Variants in CEP104 observed in about 807,000 individuals in gnomAD.
CEP104 encodes the protein centrosomal protein of 104 kDa.
CEP104 carries 84 observed loss-of-function variants against 113.3 expected under a neutral mutation model. The observed-to-expected ratio is 0.74, with a 90% confidence interval of 0.62 to 0.89. The LOEUF is 0.89. CEP104 is among the 40% of genes least tolerant of loss of function. CEP104 has a pLI of 0.00. For synonymous variants in CEP104, 378 were observed against 421.7 expected, an observed-to-expected ratio of 0.90 and a Z score of 1.27; for missense variants, 1,053 against 1,156.6, an observed-to-expected ratio of 0.91 and a Z score of 1.30.
In CEP104 at chr1:3,848,822, G is replaced by A. The variant is rs3765777; in HGVS notation, c.114-41C>T. 33,431 of 1,549,586 alleles carry A rather than the reference G, an allele frequency of 0.022. 700 individuals are homozygous for A. Among genetic ancestry groups the A allele is most frequent in the East Asian group, 0.12 (5,136 of 44,530 alleles). On this transcript the variant is annotated intron_variant, in intron 2 of 21. Transcript: ENST00000378230. ...TTTTTATATTTTCTGAACAACTTCT[G>A]CAGAGGGTTTCTAGATGCTAGCATC...
chr1:3,831,304 A>G, intron 12 of CEP104, 82 bp from the exon 13 acceptor site: 2 of 1,251,910 alleles, frequency 1.6e-6, no homozygotes, highest in Non-Finnish European at 2.3e-6. Flanking sequence ...ATCTTAAACT[A>G]AACACTGAAG....
intron 2 of CEP104, among the ~76,000 whole-genome samples, chr1:3,850,131 G>A (rs1024766007): frequency 1.3e-5 from 2 of 152,188 alleles, no homozygotes; most frequent in Non-Finnish European, 2.9e-5. Context: ...CTAGGTGTTC[G>A]ATGAAATCGA....
At chr1:3,820,992 G>A (rs1643961442) in intron 20 of CEP104, among the ~76,000 whole-genome samples, 1 of 152,278 alleles carries the variant, frequency 6.6e-6, no homozygotes, top group African/African-American at 2.4e-5. Flanking sequence ...AAGGGGAAGT[G>A]TGTGTGCATG....
At chr1:3,822,047 G>A (rs1396131126) in intron 20 of CEP104, among the ~76,000 whole-genome samples, 1 of 152,208 alleles carries the variant, frequency 6.6e-6, no homozygotes, top group African/African-American at 2.4e-5. Context: ...ATGCAACAAC[G>A]TGCTGTCTGG....
At position 3,836,895 on chromosome 1, in the gene CEP104, T is replaced by C. The variant is rs963443402; in HGVS notation, c.1120-203A>G. 18 of 579,796 alleles carry C rather than the reference T, an allele frequency of 3.1e-5. No homozygotes were observed. In the East Asian group the frequency reaches 4.3e-4, roughly 14 times the overall value. 35.9% of individuals were successfully genotyped at this position (579,796 alleles called of 1,614,324 possible). ...AAGATTAGATGAGGCTTTCTATTAC[T>C]TTCTAAACTCATTACAGACCTAATA... On this transcript the variant is annotated intron_variant, in intron 9 of 21. Coordinates refer to ENST00000378230, the MANE Select transcript of CEP104 (RefSeq NM_014704.4).
rs7535887 is a variant in CEP104, at chr1:3,839,929, T to C, written c.567-153A>G. ...GAGAAAACGGGTCTCAGAGAAGTAA[T>C]GGGCCTCAGGTCACAAAGCTCTTAA... is the stretch of plus-strand genomic sequence containing the variant. On this transcript the variant is annotated intron_variant, in intron 6 of 21. Coordinates refer to ENST00000378230, the MANE Select transcript of CEP104 (RefSeq NM_014704.4). Among the ~76,000 whole-genome samples, 140,840 of 152,232 alleles carry C rather than the reference T, an allele frequency of 0.93. 65,924 individuals carry two copies. Among genetic ancestry groups the C allele is most frequent in the Middle Eastern group, 0.98 (288 of 294 alleles).
chr1:3,851,160 C>T (rs1441912113), intron 2 of CEP104, among the ~76,000 whole-genome samples: 1 of 152,072 alleles, frequency 6.6e-6, no homozygotes, highest in Non-Finnish European at 1.5e-5. Context: ...GACGCTGGCT[C>T]GCCTGCAATC....
intron 6 of CEP104, chr1:3,843,178 G>C (rs1360375845): frequency 1.4e-6 from 1 of 704,172 alleles, no homozygotes; most frequent in African/African-American, 1.8e-5. Context: ...CTCTGGAATG[G>C]AGTCCCCTCA....
At chr1:3,828,002 C>T (rs1427201126) in intron 15 of CEP104, among the ~76,000 whole-genome samples, 2 of 152,142 alleles carry the variant, frequency 1.3e-5, no homozygotes, top group Non-Finnish European at 2.9e-5. Context: ...GGAGGCTGTG[C>T]AGCCCATCAG....
At chr1:3,853,796 C>T (rs946245398) in intron 1 of CEP104, among the ~76,000 whole-genome samples, 3 of 125,672 alleles carry the variant, frequency 2.4e-5, no homozygotes, top group African/African-American at 1.3e-4. Context: ...TTTAAAAAGC[C>T]CCCCAGAACA....
Position 3,852,326 on chromosome 1 carries a change from C to G in CEP104, c.82G>C (p.Ala28Pro). The change falls in exon 2 of 22, where the codon GCG (alanine) becomes CCG (proline). Residue 28 changes from alanine to proline, a missense_variant. Ala to Pro is a conservative substitution (Grantham distance 27, BLOSUM62 -1). Coordinates refer to ENST00000378230, the MANE Select transcript of CEP104 (RefSeq NM_014704.4). The part of the protein sequence containing the change: ...GFSARELMIH[A>P]PTVSGWRSPR... ...GACCGCCACCCACTGACAGTTGGCG[C>G]GTGGATCATGAGCTCCCGGGCACTG... is the stretch of plus-strand genomic sequence containing the variant. 6.2e-7 allele frequency: 1 copy of G among 1,614,066 alleles called. No individual in the cohort carries two copies. The highest frequency in any genetic ancestry group is 8.5e-7 in the Non-Finnish European group (1 of 1,180,010).
intron 17 of CEP104, 38 bp downstream of exon 17, chr1:3,826,332 T>C: frequency 2.5e-6 from 4 of 1,586,592 alleles, no homozygotes; most frequent in Non-Finnish European, 3.5e-6. Context: ...CTGGTTGCCC[T>C]GACCATCGTA....
intron 7 of CEP104, 69 bp downstream of exon 7, chr1:3,839,539 A>G: frequency 7.3e-7 from 1 of 1,364,582 alleles, no homozygotes; most frequent in South Asian, 1.4e-5. Context: ...TTTACCATGT[A>G]GTTATTCTAA....
chr1:3,845,850 G>T (rs146951101), intron 4 of CEP104, among the ~76,000 whole-genome samples: 5 of 152,196 alleles, frequency 3.3e-5, no homozygotes, highest in African/African-American at 1.2e-4. Context: ...CACTATGGGA[G>T]GCCAAGGTGG....
chr1:3,826,278 G>T, intron 17 of CEP104, 92 bp downstream of exon 17: 1 of 1,087,810 alleles, frequency 9.2e-7, no homozygotes. Context: ...ACTACGAAGG[G>T]CCAACTAGGG....
intron 21 of CEP104, 80 bp downstream of exon 21, chr1:3,816,200 G>T: frequency 1.6e-6 from 2 of 1,239,594 alleles, no homozygotes; most frequent in Non-Finnish European, 1.1e-6. Flanking sequence ...TTGCCATGTT[G>T]CCCTGGACGG....
Position 3,829,311 on chromosome 1 carries a change from T to C in CEP104, c.2106A>G (p.Leu702=), listed in dbSNP as rs756932409. ...EKQKKEEIKA[L]QGQLAALKEI... The stretch of plus-strand genomic sequence containing the variant: ...CTTTCAGTGCTGCCAGCTGCCCTTG[T>C]AAAGCTTTTATTTCTTCTTTCTTTT... Residue 702 remains leucine, a synonymous_variant, in exon 15 of 22, where the codon TTA becomes TTG. Transcript: ENST00000378230. 2 of 1,600,984 alleles carry C rather than the reference T, an allele frequency of 1.2e-6. No homozygotes were observed. The highest frequency in any genetic ancestry group is 1.1e-5 in the South Asian group (1 of 87,598).
intron 10 of CEP104, 140 bp from the exon 11 acceptor site, chr1:3,835,232 T>C: frequency 1.8e-6 from 1 of 568,894 alleles, no homozygotes; most frequent in East Asian, 3.2e-5. Flanking sequence ...GATTCATTTC[T>C]AATAATAGAA....
intron 1 of CEP104, among the ~76,000 whole-genome samples, chr1:3,852,813 C>T (rs6693259): frequency 0.54 from 81,816 of 152,026 alleles, 24,543 homozygotes; most frequent in Non-Finnish European, 0.68. Flanking sequence ...AACGTGACTT[C>T]TAAGAAGGGA....
Sources: allele counts gnomAD v4.1 joint callset (sites outside exome capture counted in the v4.1 genomes callset), GRCh38; gene constraint gnomAD v4.1.1; transcripts MANE v1.5; gene names NCBI Gene and HGNC (gene_info 2026-07-23, HGNC 2026-07-21).